Variants in TNRC6C observed in about 807,000 individuals in gnomAD.
TNRC6C encodes the protein trinucleotide repeat-containing gene 6C protein.
In TNRC6C, 20 loss-of-function variants were observed where a neutral mutation model predicts 153.7. That is an observed-to-expected ratio of 0.13 (90% CI 0.09 to 0.19). TNRC6C has a LOEUF of 0.19. Among genes scored for constraint, TNRC6C ranks in the 10% least tolerant of loss-of-function variants. TNRC6C has a pLI of 1.00. For synonymous variants in TNRC6C, 811 were observed against 841.4 expected (o/e 0.96, Z 0.63); for missense variants, 1,987 against 2,172.0 (o/e 0.91, Z 1.69).
chr17:78,098,052 A>G (rs1046451962), intron 16 of TNRC6C, among the ~76,000 whole-genome samples, 191 bp downstream of exon 19: 1 of 152,218 alleles, frequency 6.6e-6, no homozygotes, highest in African/African-American at 2.4e-5. Flanking sequence ...GCTTGCACGC[A>G]CATGGAAGTG....
chr17:78,013,633 T>C (rs1489635763), intron 1 of TNRC6C, among the ~76,000 whole-genome samples: 1 of 152,202 alleles, frequency 6.6e-6, no homozygotes, highest in Non-Finnish European at 1.5e-5. Flanking sequence ...GATACATGTA[T>C]CCTTACTAAC....
At chr17:78,078,208 C>A (rs1388178549) in intron 9 of TNRC6C, among the ~76,000 whole-genome samples, 1 of 152,204 alleles carries the variant, frequency 6.6e-6, no homozygotes, top group Admixed American at 6.5e-5. Context: ...ATTGTTCTGC[C>A]AGCTTCAAGT....
At chr17:78,094,333 A>T (rs1306977256) in intron 16 of TNRC6C, among the ~76,000 whole-genome samples, 1 of 152,026 alleles carries the variant, frequency 6.6e-6, no homozygotes, top group Non-Finnish European at 1.5e-5. Flanking sequence ...AGATTGCCAT[A>T]GGTACTATCA....
intron 1 of TNRC6C, among the ~76,000 whole-genome samples, chr17:78,013,880 G>GA (rs1480075295): frequency 2.6e-5 from 4 of 152,334 alleles, no homozygotes; most frequent in African/African-American, 7.2e-5. Context: ...CAAAGTGAGA[G>GA]ATGGGGATTG....
intron 2 of TNRC6C, among the ~76,000 whole-genome samples, chr17:78,042,746 A>C (rs1349910508): frequency 1.3e-5 from 2 of 151,886 alleles, no homozygotes; most frequent in Non-Finnish European, 2.9e-5. Context: ...AGTGGTCATC[A>C]TGATGCTGGT....
At chr17:78,032,439 C>A (rs1210833291) in intron 2 of TNRC6C, among the ~76,000 whole-genome samples, 2 of 152,236 alleles carry the variant, frequency 1.3e-5, no homozygotes, top group Non-Finnish European at 2.9e-5. Flanking sequence ...CATTTCCTGT[C>A]AGCTTCTTTT....
At chr17:78,024,094 G>A (rs922543331) in intron 1 of TNRC6C, among the ~76,000 whole-genome samples, 18 of 152,074 alleles carry the variant, frequency 1.2e-4, no homozygotes, top group African/African-American at 3.6e-4. Context: ...AAAAAACACC[G>A]TCTCAAAAAA....
At chr17:77,999,689 C>T (rs143580023), upstream of TNRC6C, among the ~76,000 whole-genome samples, 18 of 152,352 alleles carry the variant, frequency 1.2e-4, no homozygotes, top group African/African-American at 4.1e-4. Context: ...CCTGGGCCCT[C>T]TGCAAAGCTG....
chr17:77,968,585 C>T (rs1000595665), intron 1 of TNRC6C, among the ~76,000 whole-genome samples: 2 of 152,040 alleles, frequency 1.3e-5, no homozygotes, highest in Non-Finnish European at 2.9e-5. Context: ...TCAGGTGATC[C>T]GCCCACCTCG....
At chr17:78,097,650 AGAGGTT>A in intron 16 of TNRC6C, 89 bp from the exon 19 acceptor site, 1 of 799,632 alleles carries the variant, frequency 1.3e-6, no homozygotes, top group Non-Finnish European at 1.9e-6. Context: ...CAGCCTAGGG[AGAGGTT>A]GATTCCTGAT....
Position 78,086,565 on chromosome 17 carries a change from C to T in TNRC6C, c.3540C>T (p.Ser1180=), listed in dbSNP as rs1489917803. 1.9e-6 allele frequency: 3 copies of T among 1,613,848 alleles called. No individual in the cohort carries two copies. In the African/African-American group the frequency reaches 4.0e-5, roughly 22 times the overall value. Residue 1180 remains serine (S), a synonymous_variant, in exon 12 of 20, where the codon TCC becomes TCT. Coordinates refer to ENST00000301624, the Ensembl canonical transcript of TNRC6C. ...AGGCCCAGCGTAATGTGTCCGGATC[C>T]ATGAGACAACAGGAGCAGCAAGTAG...
chr17:77,962,552 A>AT (rs2070869680), intron 1 of TNRC6C, among the ~76,000 whole-genome samples: 1 of 152,236 alleles, frequency 6.6e-6, no homozygotes, highest in South Asian at 2.1e-4. Context: ...ACAGGAACAG[A>AT]TTTATAGACG....
chr17:77,969,048 T>A (rs977999615), intron 1 of TNRC6C, among the ~76,000 whole-genome samples: 8 of 152,268 alleles, frequency 5.3e-5, no homozygotes, highest in African/African-American at 1.9e-4. Context: ...GATTCCAGAC[T>A]TCATACTGGC....
rs1046999028 is a variant in TNRC6C, at chr17:78,075,959, G to A, written c.3060+681G>A. Among the ~76,000 whole-genome samples, 8 of 152,018 alleles carry A rather than the reference G, an allele frequency of 5.3e-5. No homozygotes were observed. Among genetic ancestry groups the A allele is most frequent in the African/African-American group, 1.9e-4 (8 of 41,402 alleles). ...AGGCTGGGTGCGGTGGCTCACTCCT[G>A]TAATCCCAGCACTTTGGGAGGCTGA... On this transcript the variant is annotated intron_variant, in intron 8 of 19. Transcript: ENST00000301624. The surrounding 1 kb of genome is among the most constrained non-coding windows in gnomAD (Gnocchi z 4.2).
chr17:77,985,692 A>G (rs2071156512), intron 1 of TNRC6C, among the ~76,000 whole-genome samples: 1 of 152,038 alleles, frequency 6.6e-6, no homozygotes, highest in Non-Finnish European at 1.5e-5. Context: ...ACCCAAATTT[A>G]AAGGGTTAAT....
At chr17:78,077,150 A>T in intron 8 of TNRC6C, 35 bp from the exon 11 acceptor site, 1 of 1,585,722 alleles carries the variant, frequency 6.3e-7, no homozygotes. Context: ...GCTGATGGAC[A>T]CTGCACACAG....
intron 2 of TNRC6C, among the ~76,000 whole-genome samples, chr17:78,041,841 C>T (rs776729546): frequency 1.3e-5 from 2 of 152,162 alleles, no homozygotes; most frequent in Non-Finnish European, 2.9e-5. Context: ...TTTTATAATA[C>T]ATATTATTTC....
intron 17 of TNRC6C, among the ~76,000 whole-genome samples, chr17:78,102,266 C>T (rs1224617918): frequency 6.6e-6 from 1 of 152,104 alleles, no homozygotes; most frequent in Non-Finnish European, 1.5e-5. Context: ...GTCAGAGTCA[C>T]CACGGGGAAG....
At chr17:77,957,612 T>C (rs1484434427), upstream of TNRC6C, among the ~76,000 whole-genome samples, 1 of 152,224 alleles carries the variant, frequency 6.6e-6, no homozygotes, top group Non-Finnish European at 1.5e-5. Context: ...CCTCTTCCAA[T>C]ACCAACTTCC....
Sources: gnomAD v4.1 joint callset for allele counts (sites outside exome capture counted in the v4.1 genomes callset) on GRCh38, gnomAD v4.1.1 for gene constraint, Gnocchi (gnomAD v3.1) non-coding constraint, MANE v1.5 for transcripts, NCBI Gene and HGNC (gene_info 2026-07-23, HGNC 2026-07-21) for gene names.